Variants in CDK6 observed in about 807,000 individuals in gnomAD.
CDK6 encodes cyclin-dependent kinase 6.
CDK6 carries 6 observed loss-of-function variants against 37.1 expected under a neutral mutation model. That is an observed-to-expected ratio of 0.16 (90% CI 0.09 to 0.32). The LOEUF is 0.32. Among genes scored for constraint, CDK6 ranks in the 10% least tolerant of loss-of-function variants. The pLI is 1.00. For missense variants in CDK6, 224 were observed against 418.9 expected (o/e 0.53, Z 4.06); for synonymous variants, 160 against 161.3 (o/e 0.99, Z 0.06).
At chr7:92,746,748 T>C (rs1173339604) in intron 3 of CDK6, among the ~76,000 whole-genome samples, 2 of 152,194 alleles carry the variant, frequency 1.3e-5, no homozygotes, top group East Asian at 3.8e-4. Flanking sequence ...ACACCTGACA[T>C]TATAAAACTT....
intron 3 of CDK6, among the ~76,000 whole-genome samples, chr7:92,732,221 CAG>C (rs1303409249): frequency 1.3e-5 from 2 of 152,076 alleles, no homozygotes; most frequent in Non-Finnish European, 2.9e-5. Context: ...AGTTTGAGAC[CAG>C]CCTGGACAAC....
rs2116476420 is a variant in CDK6 at position 92,615,146 on chromosome 7, T to C, written c.975A>G (p.Thr325=). The change falls in exon 8 of 8, where the codon ACA becomes ACG. Residue 325 remains threonine, a synonymous_variant. Transcript: ENST00000424848. ...PPSQNTSELN[T]A Reference sequence around the variant, plus strand: ...TAAGGCGGCTGCTGAGGCCTCAGGCTGTATTCAGCTCCGAGGTGTTCTGGC... The same window carrying C: ...TAAGGCGGCTGCTGAGGCCTCAGGCCGTATTCAGCTCCGAGGTGTTCTGGC... The C allele has an allele frequency of 6.2e-7, 1 of 1,613,656 alleles. No individual in the cohort carries two copies.
chr7:92,618,148 G>C lies in CDK6; in HGVS notation c.758C>G (p.Ala253Gly), dbSNP rs1212187299. ...TGGTTGGGCAGATTTTGAATGAAAA[G>C]CCTGCCTGGGAAGGGCAACATCTCT... is the stretch of plus-strand genomic sequence containing the variant. Reference protein sequence around the residue: ...WPRDVALPRQAFHSKSAQPIE... With the variant: ...WPRDVALPRQGFHSKSAQPIE... Residue 253 changes from alanine (A) to glycine (G), a missense_variant, in exon 7 of 8, where the codon GCT becomes GGT. Physicochemically the swap from Ala to Gly is moderately conservative, Grantham distance 60. Transcript: ENST00000424848. 5 of 1,613,934 alleles carry C rather than the reference G, an allele frequency of 3.1e-6. No individual in the cohort carries two copies. The East Asian group carries it at 1.1e-4, about 36-fold the overall frequency.
At chr7:92,690,070 T>C (rs1459873422) in intron 4 of CDK6, among the ~76,000 whole-genome samples, 1 of 152,164 alleles carries the variant, frequency 6.6e-6, no homozygotes, top group African/African-American at 2.4e-5. Context: ...TTCTGTAGGC[T>C]GTTTACTCAA....
chr7:92,612,618 T>C lies in CDK6; in HGVS notation c.*2522A>G, dbSNP rs145794753. The C allele has an allele frequency of 2.6e-5, 6 of 233,152 alleles. No homozygotes were observed. The highest frequency in any genetic ancestry group is 1.1e-4 in the Admixed American group (2 of 17,796). 14.4% of individuals were successfully genotyped at this position (233,152 alleles called of 1,614,324 possible). The stretch of plus-strand genomic sequence containing the variant: ...TCATCAGAAGATAATCTGCCAACGA[T>C]TGAATGCCAGAATGTTTGTGCTTTA... On this transcript the variant is annotated 3_prime_UTR_variant, in exon 8 of 8. Transcript: ENST00000424848.
intron 4 of CDK6, among the ~76,000 whole-genome samples, chr7:92,672,202 C>G (rs1251517267): frequency 7.2e-5 from 9 of 124,236 alleles, no homozygotes; most frequent in African/African-American, 2.7e-4. Context: ...CACACACACA[C>G]ACACACACAC....
intron 2 of CDK6, among the ~76,000 whole-genome samples, chr7:92,780,817 C>A (rs1049239037): frequency 2.7e-5 from 4 of 149,406 alleles, no homozygotes; most frequent in African/African-American, 7.4e-5. Context: ...CAAAAAAAAC[C>A]AAAAAAACCC....
intron 4 of CDK6, 140 bp downstream of exon 4, chr7:92,725,486 G>T: frequency 9.3e-7 from 1 of 1,070,294 alleles, no homozygotes; most frequent in Non-Finnish European, 1.3e-6. Context: ...CCTACCCACT[G>T]CCATATAAAA....
At chr7:92,768,514 T>A (rs1461315985) in intron 3 of CDK6, among the ~76,000 whole-genome samples, 1 of 152,228 alleles carries the variant, frequency 6.6e-6, no homozygotes, top group East Asian at 1.9e-4. Context: ...CCTGTTACTA[T>A]GAAAAGTAGT....
chr7:92,776,228 A>T (rs2115793339), intron 2 of CDK6, among the ~76,000 whole-genome samples: 1 of 152,320 alleles, frequency 6.6e-6, no homozygotes, highest in East Asian at 1.9e-4. Flanking sequence ...GTCCCTGCAA[A>T]GGACATGAAC....
intron 2 of CDK6, among the ~76,000 whole-genome samples, chr7:92,795,773 T>G (rs1800393304): frequency 6.6e-6 from 1 of 152,188 alleles, no homozygotes; most frequent in Non-Finnish European, 1.5e-5. Flanking sequence ...ATAGTTTAAT[T>G]TAACCAGTTT....
At chr7:92,723,852 A>G (rs2116705216) in intron 4 of CDK6, among the ~76,000 whole-genome samples, 1 of 151,910 alleles carries the variant, frequency 6.6e-6, no homozygotes, top group South Asian at 2.1e-4. Flanking sequence ...TGAACATATC[A>G]ACTTTCAGCA....
intron 2 of CDK6, among the ~76,000 whole-genome samples, chr7:92,799,820 G>A (rs757504302): frequency 5.3e-5 from 8 of 152,134 alleles, no homozygotes; most frequent in African/African-American, 1.2e-4. Context: ...CAGGTTTTCC[G>A]GATTCCTATC....
chr7:92,693,989 T>C (rs1291139262), intron 4 of CDK6, among the ~76,000 whole-genome samples: 1 of 152,340 alleles, frequency 6.6e-6, no homozygotes, highest in South Asian at 2.1e-4. Context: ...TAATCATTTA[T>C]GTGGTCATCT....
intron 3 of CDK6, among the ~76,000 whole-genome samples, chr7:92,733,986 T>G (rs575344769): frequency 5.3e-4 from 81 of 152,302 alleles, no homozygotes; most frequent in African/African-American, 1.9e-3. Context: ...GTGTGCACCA[T>G]CGTGTCTGGC....
chr7:92,660,364 C>A (rs1789389306), intron 5 of CDK6, among the ~76,000 whole-genome samples: 1 of 152,074 alleles, frequency 6.6e-6, no homozygotes, highest in African/African-American at 2.4e-5. Flanking sequence ...CAGCTGGGCA[C>A]CCAGGACAAG....
chr7:92,693,130 T>C (rs1443397268), intron 4 of CDK6, among the ~76,000 whole-genome samples: 1 of 152,236 alleles, frequency 6.6e-6, no homozygotes, highest in Non-Finnish European at 1.5e-5. Flanking sequence ...AATGTCTGTT[T>C]TGCACAGGCC....
chr7:92,680,628 C>T (rs1398799186), intron 4 of CDK6, among the ~76,000 whole-genome samples: 1 of 152,028 alleles, frequency 6.6e-6, no homozygotes, highest in Non-Finnish European at 1.5e-5. Context: ...TTGTCCTCAC[C>T]TCTGCTCTGA....
At chr7:92,829,686 G>A (rs1384303829) in intron 2 of CDK6, among the ~76,000 whole-genome samples, 1 of 152,158 alleles carries the variant, frequency 6.6e-6, no homozygotes. Context: ...TGTTAGGGAG[G>A]TAAAATTTAA....
Sources: gnomAD v4.1 joint callset for allele counts (sites outside exome capture counted in the v4.1 genomes callset) on GRCh38, gnomAD v4.1.1 for gene constraint, MANE v1.5 for transcripts, NCBI Gene and HGNC (gene_info 2026-07-23, HGNC 2026-07-21) for gene names.